Variants in TMEM272 observed in about 807,000 individuals in gnomAD.
TMEM272 encodes long intergenic non-protein coding RNA 282.
Under a neutral mutation model 3.7 loss-of-function variants are expected in TMEM272, and 8 were observed. That is an observed-to-expected ratio of 2.17 (90% CI 1.27 to 3.91). The LOEUF (loss-of-function observed/expected upper bound fraction) is 3.91. TMEM272 is among the 30% of genes most tolerant of loss of function. The probability of loss-of-function intolerance (pLI) is 0.00; values close to 1 mark genes in which losing one functional copy is unlikely to be tolerated. For missense variants in TMEM272, 166 were observed against 91.5 expected, an observed-to-expected ratio of 1.81 and a Z score of -3.32; for synonymous variants, 63 against 39.8, an observed-to-expected ratio of 1.58 and a Z score of -2.20.
chr13:51,865,692 A>C, the TMEM272 span: 1 of 1,614,176 alleles, frequency 6.2e-7, no homozygotes, highest in Non-Finnish European at 8.5e-7. Context: ...AAAGAGGAAA[A>C]ATCCTTCTGG....
chr13:51,834,476 T>C (rs1566348629), intron 2 of TMEM272, among the ~76,000 whole-genome samples: 5 of 152,206 alleles, frequency 3.3e-5, no homozygotes, highest in Admixed American at 2.6e-4. Context: ...TCAAATTAAT[T>C]TTATTAAAGA....
At chr13:51,923,578 G>A in the TMEM272 span, among the ~76,000 whole-genome samples, 1 of 152,120 alleles carries the variant, frequency 6.6e-6, no homozygotes, top group Non-Finnish European at 1.5e-5. Flanking sequence ...GTGGACTTGA[G>A]AGCCACTGGT....
chr13:51,855,896 G>C, the TMEM272 span, among the ~76,000 whole-genome samples: 1 of 152,152 alleles, frequency 6.6e-6, no homozygotes, highest in African/African-American at 2.4e-5. Context: ...AGTGATGAAG[G>C]TTAGTAAGAT....
chr13:51,887,406 G>C, the TMEM272 span, among the ~76,000 whole-genome samples: 1 of 152,198 alleles, frequency 6.6e-6, no homozygotes, highest in African/African-American at 2.4e-5. Context: ...AAGGGAAACA[G>C]TGATTCAAGT....
the TMEM272 span, chr13:51,930,468 G>C: frequency 6.6e-6 from 1 of 152,142 alleles, no homozygotes; most frequent in Non-Finnish European, 1.5e-5. Context: ...GCCTGCCCAA[G>C]GTGAGTTTGA....
chr13:51,890,525 T>C, the TMEM272 span, among the ~76,000 whole-genome samples: 905 of 152,296 alleles, frequency 5.9e-3, 6 homozygotes, highest in African/African-American at 0.021. Context: ...GCATCATGCT[T>C]CTTGTACAGC....
At chr13:51,883,476 G>A in the TMEM272 span, among the ~76,000 whole-genome samples, 1 of 152,180 alleles carries the variant, frequency 6.6e-6, no homozygotes, top group Non-Finnish European at 1.5e-5. Context: ...GTGAGAGGGG[G>A]CCCTAAAGTG....
intron 4 of TMEM272, 50 bp downstream of exon 4, chr13:51,822,005 T>C: frequency 1.4e-6 from 1 of 702,396 alleles, no homozygotes; most frequent in Non-Finnish European, 2.6e-6. Flanking sequence ...ACAGGATGCC[T>C]GTGAGTTAAT....
At chr13:51,848,518 A>G (rs770979322), upstream of TMEM272, among the ~76,000 whole-genome samples, 1 of 152,224 alleles carries the variant, frequency 6.6e-6, no homozygotes, top group Non-Finnish European at 1.5e-5. Flanking sequence ...TCATTCATTC[A>G]TTGAATGAAT....
chr13:51,827,606 GCTTT>G (rs1809209806), intron 2 of TMEM272, among the ~76,000 whole-genome samples: 1 of 152,126 alleles, frequency 6.6e-6, no homozygotes, highest in African/African-American at 2.4e-5. Context: ...ACACATCTGT[GCTTT>G]CTGCTGAGTC....
At chr13:51,821,766 G>A (rs937259177) in intron 4 of TMEM272, among the ~76,000 whole-genome samples, 5 of 149,954 alleles carry the variant, frequency 3.3e-5, no homozygotes, top group Non-Finnish European at 7.4e-5. Context: ...TGGTATAACT[G>A]GCAGTCAGGG....
chr13:51,828,110 C>T (rs1956143325), intron 2 of TMEM272, among the ~76,000 whole-genome samples: 1 of 152,220 alleles, frequency 6.6e-6, no homozygotes, highest in African/African-American at 2.4e-5. Flanking sequence ...AGACATTCAT[C>T]ACCCATGGAA....
the TMEM272 span, among the ~76,000 whole-genome samples, chr13:51,925,158 T>G: frequency 6.6e-6 from 1 of 152,164 alleles, no homozygotes; most frequent in African/African-American, 2.4e-5. Context: ...GCTCATTTGT[T>G]TTCCCAAAAC....
intron 2 of TMEM272, among the ~76,000 whole-genome samples, chr13:51,829,288 AATG>A (rs1240092739): frequency 6.6e-6 from 1 of 152,198 alleles, no homozygotes; most frequent in Non-Finnish European, 1.5e-5. Flanking sequence ...CCTACTTAAA[AATG>A]ATATTAAACA....
chr13:51,847,238 G>A (rs990352961), upstream of TMEM272, among the ~76,000 whole-genome samples: 2 of 152,076 alleles, frequency 1.3e-5, no homozygotes, highest in African/African-American at 2.4e-5. Context: ...TTTAGGAACC[G>A]GGCCCCACAG....
chr13:51,904,603 T>C, the TMEM272 span, among the ~76,000 whole-genome samples: 1 of 152,154 alleles, frequency 6.6e-6, no homozygotes, highest in African/African-American at 2.4e-5. Flanking sequence ...TTTCAAGATA[T>C]TGTGAAAAGT....
At chr13:51,916,076 A>G in the TMEM272 span, among the ~76,000 whole-genome samples, 1 of 152,174 alleles carries the variant, frequency 6.6e-6, no homozygotes, top group South Asian at 2.1e-4. Context: ...TCTTCTCAAA[A>G]AGAAGAAAAA....
chr13:51,926,149 G>T, the TMEM272 span, among the ~76,000 whole-genome samples: 1 of 151,856 alleles, frequency 6.6e-6, no homozygotes, highest in Admixed American at 6.6e-5. Flanking sequence ...GTGGTATGTG[G>T]TGTGTGTGGT....
chr13:51,922,392 T>C, the TMEM272 span, among the ~76,000 whole-genome samples: 1 of 152,358 alleles, frequency 6.6e-6, no homozygotes, highest in South Asian at 2.1e-4. Flanking sequence ...TATTTCTATA[T>C]ACAAAGCAGT....
Sources: allele counts gnomAD v4.1 joint callset (sites outside exome capture counted in the v4.1 genomes callset), GRCh38; gene constraint gnomAD v4.1.1; transcripts MANE v1.5; gene names NCBI Gene and HGNC (gene_info 2026-07-23, HGNC 2026-07-21).